The following FILIP1L variants were observed in gnomAD, a reference collection of about 807,000 sequenced individuals.
The protein encoded by FILIP1L is filamin A-interacting protein 1-like.
FILIP1L carries 55 observed loss-of-function variants against 96.6 expected under a neutral mutation model. That is an observed-to-expected ratio of 0.57 (90% CI 0.46 to 0.71). The LOEUF (loss-of-function observed/expected upper bound fraction) is 0.71. Ranked by LOEUF, FILIP1L falls within the 30% of genes least tolerant of loss-of-function variation. The probability of loss-of-function intolerance (pLI) is 0.00; values close to 1 mark genes in which losing one functional copy is unlikely to be tolerated. For missense variants in FILIP1L, 1,304 were observed against 1,321.2 expected, an observed-to-expected ratio of 0.99 and a Z score of 0.20; for synonymous variants, 467 against 473.9, an observed-to-expected ratio of 0.99 and a Z score of 0.19.
rs563317293 is a variant in FILIP1L at position 99,991,716 on chromosome 3, C to T, written c.-10-60686G>A. Among the ~76,000 whole-genome samples, 9 of 151,918 alleles carry T rather than the reference C, an allele frequency of 5.9e-5. No individual in the cohort carries two copies. The South Asian group carries it at 1.9e-3, about 32-fold the overall frequency. On this transcript the variant is annotated intron_variant, in intron 1 of 5. Coordinates refer to ENST00000477258, the MANE Select transcript of FILIP1L (RefSeq NM_001387850.1). ...GAGAACATGCTGTATTTGACTGTTG[C>T]TGCGTTATTTCAGTGAGGATAATGG...
At chr3:100,098,436 G>A (rs2066248652) in intron 1 of FILIP1L, among the ~76,000 whole-genome samples, 1 of 152,126 alleles carries the variant, frequency 6.6e-6, no homozygotes, top group African/African-American at 2.4e-5. Flanking sequence ...CTACCTCACA[G>A]GATTCTTGAA....
At chr3:99,938,924 A>G (rs1287444735) in intron 1 of FILIP1L, among the ~76,000 whole-genome samples, 1 of 152,242 alleles carries the variant, frequency 6.6e-6, no homozygotes, top group Non-Finnish European at 1.5e-5. Context: ...GATGGCTAAA[A>G]AAAGACAATT....
At chr3:99,990,250 TAGAC>T (rs571681321) in intron 1 of FILIP1L, among the ~76,000 whole-genome samples, 3 of 152,138 alleles carry the variant, frequency 2.0e-5, no homozygotes, top group South Asian at 4.1e-4. Context: ...GAGGCAAAGA[TAGAC>T]AGAAAGAGAT....
intron 1 of FILIP1L, among the ~76,000 whole-genome samples, chr3:100,026,026 C>A (rs2064914100): frequency 6.6e-6 from 1 of 152,056 alleles, no homozygotes; most frequent in African/African-American, 2.4e-5. Flanking sequence ...CAGACTATGA[C>A]CTGAGTCTTG....
chr3:99,954,568 G>A (rs1417968207), intron 1 of FILIP1L, among the ~76,000 whole-genome samples: 1 of 152,156 alleles, frequency 6.6e-6, no homozygotes, highest in East Asian at 1.9e-4. Flanking sequence ...GCTCACACCT[G>A]TAATCCCAGC....
chr3:99,931,457 T>C (rs1707480203), intron 1 of FILIP1L, among the ~76,000 whole-genome samples: 1 of 152,238 alleles, frequency 6.6e-6, no homozygotes. Flanking sequence ...TAGTATTTCC[T>C]TTAAAATTGT....
At chr3:100,048,565 G>T (rs9851645) in intron 1 of FILIP1L, among the ~76,000 whole-genome samples, 1 of 152,120 alleles carries the variant, frequency 6.6e-6, no homozygotes, top group South Asian at 2.1e-4. Flanking sequence ...CACAGTGTCA[G>T]GGGAGAAACT....
At chr3:99,873,602 C>A (rs1210779849) in intron 4 of FILIP1L, among the ~76,000 whole-genome samples, 1 of 152,182 alleles carries the variant, frequency 6.6e-6, no homozygotes. Flanking sequence ...GAATCTTATT[C>A]TTCCTCCTAC....
chr3:100,084,411 CTT>C (rs757398956), intron 1 of FILIP1L, among the ~76,000 whole-genome samples: 10 of 152,114 alleles, frequency 6.6e-5, no homozygotes, highest in Non-Finnish European at 1.5e-4. Flanking sequence ...ATCAAGGCTG[CTT>C]GCAAATTCAC....
chr3:100,032,410 G>T (rs1434701282), intron 1 of FILIP1L, among the ~76,000 whole-genome samples: 2 of 152,224 alleles, frequency 1.3e-5, no homozygotes, highest in Non-Finnish European at 2.9e-5. Context: ...CTTAGAGCTT[G>T]CCATAAGGTA....
At chr3:100,091,425 T>G (rs1331821274) in intron 1 of FILIP1L, among the ~76,000 whole-genome samples, 1 of 152,184 alleles carries the variant, frequency 6.6e-6, no homozygotes, top group African/African-American at 2.4e-5. Context: ...GAAAGACTCA[T>G]GTTTTGTAAG....
At position 99,850,136 on chromosome 3, in the gene FILIP1L, T is replaced by C. The variant is rs1212648846; in HGVS notation, c.1540A>G (p.Thr514Ala). The change falls in exon 5 of 6, where the codon ACT becomes GCT. Residue 514 changes from threonine to alanine, a missense_variant. Coordinates refer to ENST00000477258, the MANE Select transcript of FILIP1L (RefSeq NM_001387850.1). ...RKTMSEKLKK[T>A]EDKLQAASSQ... ...GAAGCAGCTTGTAATTTATCTTCAG[T>C]TTTCTTTAATTTTTCACTCATTGTT... 6.2e-7 allele frequency: 1 copy of C among 1,611,726 alleles called. No homozygotes were observed. Among genetic ancestry groups the C allele is most frequent in the Admixed American group, 1.7e-5 (1 of 59,624 alleles).
chr3:99,972,399 G>A (rs1390293828), intron 1 of FILIP1L, among the ~76,000 whole-genome samples: 1 of 152,180 alleles, frequency 6.6e-6, no homozygotes, highest in East Asian at 1.9e-4. Flanking sequence ...CATAAACCGT[G>A]AGAAGCCTCT....
At chr3:99,881,832 C>T (rs967718426) in intron 4 of FILIP1L, among the ~76,000 whole-genome samples, 1 of 152,094 alleles carries the variant, frequency 6.6e-6, no homozygotes, top group Non-Finnish European at 1.5e-5. Context: ...CGTGACTGAC[C>T]CATTTCTTTT....
intron 1 of FILIP1L, among the ~76,000 whole-genome samples, chr3:99,984,339 A>G (rs1301715196): frequency 3.9e-5 from 6 of 152,168 alleles, no homozygotes; most frequent in Non-Finnish European, 7.3e-5. Flanking sequence ...AAGAATGAAA[A>G]CCACATAATA....
At chr3:99,897,982 C>CA (rs1706313662) in intron 4 of FILIP1L, 2 of 152,306 alleles carry the variant, frequency 1.3e-5, no homozygotes, top group South Asian at 4.1e-4. Context: ...ATCCTACCTC[C>CA]AATTCTGATT....
chr3:99,850,379 C>T lies in FILIP1L; in HGVS notation c.1297G>A (p.Ala433Thr), dbSNP rs368967496. ...CATTCTTGTTTGCTTTTGTTGAAAG[C>T]GTCTTCTAACTTTTCCAGAGCCATA... ...RIMALEKLED[A>T]FNKSKQECYS... Residue 433 changes from alanine (A) to threonine (T), a missense_variant, in exon 5 of 6, where the codon GCT becomes ACT. Physicochemically the swap from Ala to Thr is moderately conservative, Grantham distance 58. Transcript: ENST00000477258. 31 of 1,612,744 alleles carry T rather than the reference C, an allele frequency of 1.9e-5. No individual in the cohort carries two copies. The highest frequency in any genetic ancestry group is 1.5e-4 in the African/African-American group (11 of 74,716).
intron 1 of FILIP1L, among the ~76,000 whole-genome samples, chr3:99,971,336 A>G (rs1708815717): frequency 6.6e-6 from 1 of 150,780 alleles, no homozygotes; most frequent in Admixed American, 6.6e-5. Flanking sequence ...CCCATCTCAA[A>G]AAAAAAAAAA....
intron 1 of FILIP1L, among the ~76,000 whole-genome samples, chr3:99,985,293 A>G (rs1709304557): frequency 6.6e-6 from 1 of 152,134 alleles, no homozygotes; most frequent in Admixed American, 6.5e-5. Flanking sequence ...ACACTTTGGT[A>G]GGCTGAGGTG....
Sources: allele counts gnomAD v4.1 joint callset (sites outside exome capture counted in the v4.1 genomes callset), GRCh38; gene constraint gnomAD v4.1.1; transcripts MANE v1.5; gene names NCBI Gene and HGNC (gene_info 2026-07-23, HGNC 2026-07-21).